Variants in ZNF536 observed in about 807,000 individuals in gnomAD.
ZNF536 encodes zinc finger protein 536.
Under a neutral mutation model 84.5 loss-of-function variants are expected in ZNF536, and 13 were observed. That is an observed-to-expected ratio of 0.15 (90% CI 0.10 to 0.24). The LOEUF is 0.24. Ranked by LOEUF, ZNF536 falls within the 10% of genes least tolerant of loss-of-function variation. The pLI, the probability that ZNF536 is intolerant of heterozygous loss-of-function variation, is 1.00. For synonymous variants in ZNF536, 811 were observed against 742.5 expected, an observed-to-expected ratio of 1.09 and a Z score of -1.50; for missense variants, 1,536 against 1,747.5, an observed-to-expected ratio of 0.88 and a Z score of 2.16.
intron 1 of ZNF536, among the ~76,000 whole-genome samples, chr19:30,643,605 A>G (rs1426468661): frequency 6.6e-6 from 1 of 152,148 alleles, no homozygotes; most frequent in African/African-American, 2.4e-5. Flanking sequence ...TTTTGCTTCA[A>G]AAAGCCTTAT....
intron 2 of ZNF536, among the ~76,000 whole-genome samples, chr19:30,510,302 C>T (rs770902202): frequency 8.5e-5 from 13 of 152,160 alleles, no homozygotes; most frequent in South Asian, 2.1e-4. Flanking sequence ...TAAATGAATA[C>T]GCAGATTGTT....
intron 1 of ZNF536, among the ~76,000 whole-genome samples, chr19:30,624,239 T>C (rs8106897): frequency 6.6e-6 from 1 of 152,142 alleles, no homozygotes; most frequent in African/African-American, 2.4e-5. Flanking sequence ...CTCCTGTCTT[T>C]CCAGACCCAC....
chr19:30,326,664 T>C (rs1271242500), intron 2 of ZNF536, among the ~76,000 whole-genome samples: 1 of 151,862 alleles, frequency 6.6e-6, no homozygotes, highest in Non-Finnish European at 1.5e-5. Context: ...GAGACGGCTT[T>C]CGATGCGGGA....
intron 1 of ZNF536, among the ~76,000 whole-genome samples, chr19:30,420,359 CA>C (rs2050902952): frequency 6.6e-6 from 1 of 152,138 alleles, no homozygotes; most frequent in African/African-American, 2.4e-5. Context: ...GCGGTGTGTA[CA>C]AATACCTTTA....
At chr19:30,398,539 A>G (rs780488909) in intron 1 of ZNF536, among the ~76,000 whole-genome samples, 3 of 151,952 alleles carry the variant, frequency 2.0e-5, no homozygotes, top group Non-Finnish European at 4.4e-5. Context: ...TCCCTCCCCT[A>G]GCCTCGCAAT....
intron 2 of ZNF536, among the ~76,000 whole-genome samples, chr19:30,504,418 T>A (rs1490977902): frequency 2.0e-5 from 2 of 100,564 alleles, no homozygotes; most frequent in Non-Finnish European, 3.7e-5. Context: ...CTCTCCTCCC[T>A]CTTTCCTTCC....
At chr19:30,294,722 G>T (rs141592272) in intron 2 of ZNF536, among the ~76,000 whole-genome samples, 2 of 152,276 alleles carry the variant, frequency 1.3e-5, no homozygotes, top group Non-Finnish European at 2.9e-5. Context: ...GAAGTTTGCG[G>T]AATTCTTACA....
chr19:30,520,212 G>T (rs201809775), intron 2 of ZNF536, among the ~76,000 whole-genome samples: 1 of 152,196 alleles, frequency 6.6e-6, no homozygotes, highest in African/African-American at 2.4e-5. Context: ...ACATTTCTTA[G>T]ATCTCATTGC....
chr19:30,342,825 G>A (rs1702782289), intron 2 of ZNF536, among the ~76,000 whole-genome samples: 1 of 152,182 alleles, frequency 6.6e-6, no homozygotes, highest in Admixed American at 6.5e-5. Flanking sequence ...AAGTTGCCAA[G>A]CACAGCAATT....
At chr19:30,609,945 T>A (rs1201843954) in intron 1 of ZNF536, among the ~76,000 whole-genome samples, 3 of 151,888 alleles carry the variant, frequency 2.0e-5, no homozygotes, top group Non-Finnish European at 4.4e-5. Flanking sequence ...CATCCATGCA[T>A]CCATCCATCC....
chr19:30,676,086 C>T (rs1600231058), intron 1 of ZNF536, among the ~76,000 whole-genome samples: 1 of 152,074 alleles, frequency 6.6e-6, no homozygotes, highest in Non-Finnish European at 1.5e-5. Flanking sequence ...GTCTTGAACT[C>T]CCGGGGTCAA....
intron 1 of ZNF536, among the ~76,000 whole-genome samples, chr19:30,707,986 G>C (rs118050306): frequency 0.012 from 1,752 of 146,476 alleles, 14 homozygotes; most frequent in Middle Eastern, 0.03. Flanking sequence ...ATTGCAGCCT[G>C]GGTAACAGAG....
At chr19:30,338,483 GTGATGATGATGATGA>G (rs113886104) in intron 2 of ZNF536, among the ~76,000 whole-genome samples, 2 of 149,450 alleles carry the variant, frequency 1.3e-5, no homozygotes, top group African/African-American at 2.5e-5. Flanking sequence ...AATGATGATA[GTGATGATGATGATGA>G]TGATGATGAT....
chr19:30,465,252 C>T (rs1018496734), intron 2 of ZNF536, among the ~76,000 whole-genome samples: 1 of 152,130 alleles, frequency 6.6e-6, no homozygotes, highest in Non-Finnish European at 1.5e-5. Flanking sequence ...CTGCTCTCCC[C>T]GCAGACCATC....
rs1470042727 is a variant in ZNF536 at position 30,433,784 on chromosome 19, A to G, written c.-2-9777A>G. On this transcript the variant is annotated intron_variant, in intron 1 of 4. Coordinates refer to ENST00000355537, the MANE Select transcript of ZNF536 (RefSeq NM_014717.3). ...AGTGCTGGGATTACAGGCGTGAGCC[A>G]CCATGCCTGGCCAACAGGAGCATTT... 5.3e-5 allele frequency among the ~76,000 whole-genome samples: 8 copies of G among 152,264 alleles called. No homozygotes were observed. In the East Asian group the frequency reaches 1.5e-3, roughly 29 times the overall value.
chr19:30,551,283 T>C (rs932749323), intron 4 of ZNF536, among the ~76,000 whole-genome samples: 4 of 152,164 alleles, frequency 2.6e-5, no homozygotes, highest in African/African-American at 4.8e-5. Context: ...CTATTAATTT[T>C]CCCATCTTCC....
At chr19:30,336,226 T>A (rs376900406) in intron 2 of ZNF536, among the ~76,000 whole-genome samples, 8 of 152,300 alleles carry the variant, frequency 5.3e-5, no homozygotes, top group African/African-American at 1.9e-4. Context: ...CTATTACATA[T>A]TTACTGGTGT....
At chr19:30,582,058 G>C (rs1455579746) in intron 1 of ZNF536, among the ~76,000 whole-genome samples, 1 of 152,144 alleles carries the variant, frequency 6.6e-6, no homozygotes, top group East Asian at 1.9e-4. Context: ...GAGAGGTGAG[G>C]GTCCGCGGTC....
At chr19:30,257,935 A>G (rs2024996745) in intron 1 of ZNF536, among the ~76,000 whole-genome samples, 1 of 152,196 alleles carries the variant, frequency 6.6e-6, no homozygotes, top group South Asian at 2.1e-4. Context: ...GTCAACATTG[A>G]GTACACAAGC....
Sources: allele counts gnomAD v4.1 joint callset (sites outside exome capture counted in the v4.1 genomes callset), GRCh38; gene constraint gnomAD v4.1.1; transcripts MANE v1.5; gene names NCBI Gene and HGNC (gene_info 2026-07-23, HGNC 2026-07-21).